The following KCNMA1 variants were observed in gnomAD, a reference collection of about 807,000 sequenced individuals.
The protein encoded by KCNMA1 is potassium calcium-activated channel subfamily M alpha 1.
A neutral mutation model predicts 140.0 loss-of-function variants in KCNMA1; 29 were observed. The ratio of observed to expected loss-of-function variants is 0.21; its 90% confidence interval spans 0.15 to 0.28. KCNMA1 has a LOEUF of 0.28. KCNMA1 is among the 10% of genes least tolerant of loss of function. KCNMA1 has a pLI of 1.00. For missense variants in KCNMA1, 880 were observed against 1,602.2 expected (o/e 0.55, Z 7.70); for synonymous variants, 612 against 611.9 (o/e 1.00, Z 0.00).
At chr10:77,411,300 G>A (rs2096613126) in intron 1 of KCNMA1, among the ~76,000 whole-genome samples, 1 of 152,120 alleles carries the variant, frequency 6.6e-6, no homozygotes, top group East Asian at 1.9e-4. Flanking sequence ...GAAGGAAGGA[G>A]TGGGGGAAGG....
chr10:76,936,897 A>G (rs2060707664), intron 23 of KCNMA1, among the ~76,000 whole-genome samples: 1 of 152,172 alleles, frequency 6.6e-6, no homozygotes. Flanking sequence ...AAGGACATGA[A>G]TGCTTCCACT....
chr10:76,945,768 T>G (rs1325121666), intron 22 of KCNMA1, among the ~76,000 whole-genome samples: 1 of 151,042 alleles, frequency 6.6e-6, no homozygotes, highest in African/African-American at 2.4e-5. Flanking sequence ...AAAAAAAAAG[T>G]TCTACAGCAG....
chr10:77,506,163 C>T (rs1439264228), intron 1 of KCNMA1, among the ~76,000 whole-genome samples: 5 of 152,114 alleles, frequency 3.3e-5, no homozygotes, highest in Non-Finnish European at 7.4e-5. Flanking sequence ...GGTGACTAAC[C>T]CCTCTGGCTC....
At chr10:77,578,396 C>T (rs2074890209) in intron 1 of KCNMA1, among the ~76,000 whole-genome samples, 1 of 152,228 alleles carries the variant, frequency 6.6e-6, no homozygotes. Flanking sequence ...CTCTGAAGTC[C>T]TTCTTGGCCG....
intron 14 of KCNMA1, among the ~76,000 whole-genome samples, chr10:77,050,620 C>G (rs1473908803): frequency 6.6e-6 from 1 of 152,272 alleles, no homozygotes; most frequent in Non-Finnish European, 1.5e-5. Flanking sequence ...ATGCCTTAGT[C>G]CTGAGGTGGG....
At chr10:77,620,840 G>T (rs2091131665) in intron 1 of KCNMA1, among the ~76,000 whole-genome samples, 2 of 152,190 alleles carry the variant, frequency 1.3e-5, no homozygotes, top group South Asian at 4.1e-4. Context: ...TAGATGCCTA[G>T]AAAAGACAAT....
chr10:77,206,819 G>A (rs185355018), intron 3 of KCNMA1, among the ~76,000 whole-genome samples: 1 of 151,132 alleles, frequency 6.6e-6, no homozygotes, highest in Admixed American at 6.6e-5. Context: ...GGGAGGGAGG[G>A]GGGGGCGGGT....
At chr10:76,947,383 A>G (rs1016815186) in intron 22 of KCNMA1, among the ~76,000 whole-genome samples, 12 of 152,078 alleles carry the variant, frequency 7.9e-5, no homozygotes, top group African/African-American at 9.7e-5. Context: ...AAGGTCACAC[A>G]GGAGGAAACA....
intron 22 of KCNMA1, 63 bp downstream of exon 22, chr10:76,949,079 T>A (rs895340452): frequency 4.9e-6 from 6 of 1,235,918 alleles, no homozygotes; most frequent in South Asian, 1.2e-5. Context: ...ATTATATCCA[T>A]CCGGGATTTT....
At chr10:77,189,421 C>A (rs1014550682) in intron 3 of KCNMA1, among the ~76,000 whole-genome samples, 1 of 152,050 alleles carries the variant, frequency 6.6e-6, no homozygotes, top group African/African-American at 2.4e-5. Context: ...TACAGGGAAG[C>A]AATTGCAATG....
At chr10:76,936,652 G>A (rs2060628892) in intron 23 of KCNMA1, among the ~76,000 whole-genome samples, 1 of 152,190 alleles carries the variant, frequency 6.6e-6, no homozygotes, top group South Asian at 2.1e-4. Context: ...AAATGTGTGT[G>A]AGGATACATG....
chr10:77,090,744 C>T (rs1243739541), intron 9 of KCNMA1: 1 of 575,692 alleles, frequency 1.7e-6, no homozygotes, highest in East Asian at 2.9e-5. Flanking sequence ...TGATGCTGCA[C>T]AAAATCCTAT....
In KCNMA1 at chr10:77,073,085, A is replaced by T. The variant is rs1426310372; in HGVS notation, c.1749+12T>A. On this transcript the variant is annotated intron_variant, in intron 14 of 27. Transcript: ENST00000286628. The stretch of plus-strand genomic sequence containing the variant: ...TCCCGAGCTAATGTGCTCTAATAAG[A>T]CGAGACGTTACCTTTATGAATGACC... 3 of 1,613,508 alleles carry T rather than the reference A, an allele frequency of 1.9e-6. No homozygotes were observed. The African/African-American group carries it at 4.0e-5, about 22-fold the overall frequency.
intron 25 of KCNMA1, among the ~76,000 whole-genome samples, chr10:76,905,971 T>C (rs1435057855): frequency 6.6e-6 from 1 of 152,206 alleles, no homozygotes; most frequent in Non-Finnish European, 1.5e-5. Flanking sequence ...TAAGCACCGC[T>C]CTAATCGCTT....
intron 2 of KCNMA1, among the ~76,000 whole-genome samples, chr10:77,331,903 T>C (rs1195143220): frequency 6.6e-6 from 1 of 152,136 alleles, no homozygotes; most frequent in Non-Finnish European, 1.5e-5. Flanking sequence ...AGAAATACAT[T>C]GGGGATTATC....
rs141431451 is a variant in KCNMA1, at chr10:77,353,666, T to C, written c.540+50196A>G. On this transcript the variant is annotated intron_variant, in intron 2 of 27. Coordinates refer to ENST00000286628, the MANE Select transcript of KCNMA1 (RefSeq NM_001161352.2). Reference sequence around the variant, plus strand: ...GAGGATTAATCCTTACAACAACCTATAATGTGGACATTACTTGTATCAATA... The same window carrying C: ...GAGGATTAATCCTTACAACAACCTACAATGTGGACATTACTTGTATCAATA... Among the ~76,000 whole-genome samples the C allele has an allele frequency of 1.7e-3, 258 of 152,238 alleles. 2 individuals carry two copies. The highest frequency in any genetic ancestry group is 6.0e-3 in the African/African-American group (250 of 41,534).
intron 1 of KCNMA1, among the ~76,000 whole-genome samples, chr10:77,424,718 T>C (rs1398903064): frequency 1.3e-5 from 2 of 152,188 alleles, no homozygotes; most frequent in African/African-American, 4.8e-5. Context: ...ACCTGTTAAA[T>C]GGCAGGAACA....
At chr10:77,338,469 A>G (rs373921404) in intron 2 of KCNMA1, among the ~76,000 whole-genome samples, 1 of 152,154 alleles carries the variant, frequency 6.6e-6, no homozygotes, top group African/African-American at 2.4e-5. Flanking sequence ...CCTCCCCTGC[A>G]GCCAGAGGCC....
At chr10:77,522,718 G>A (rs1217382561) in intron 1 of KCNMA1, among the ~76,000 whole-genome samples, 2 of 152,134 alleles carry the variant, frequency 1.3e-5, no homozygotes, top group Non-Finnish European at 2.9e-5. Flanking sequence ...GCCTTCAAAG[G>A]TGCAAACTCT....
Sources: allele counts gnomAD v4.1 joint callset (sites outside exome capture counted in the v4.1 genomes callset), GRCh38; gene constraint gnomAD v4.1.1; transcripts MANE v1.5; gene names NCBI Gene and HGNC (gene_info 2026-07-23, HGNC 2026-07-21).